Variants in KANK1 observed in about 807,000 individuals in gnomAD.
KANK1 encodes the protein KN motif and ankyrin repeat domain-containing protein 1.
Under a neutral mutation model 106.2 loss-of-function variants are expected in KANK1, and 109 were observed. That is an observed-to-expected ratio of 1.03 (90% confidence interval 0.88 to 1.20). The LOEUF (loss-of-function observed/expected upper bound fraction) is 1.20, where lower values mean the gene tolerates loss of function less well. KANK1 is among the 50% of genes most tolerant of loss of function. KANK1 has a pLI of 0.00. For synonymous variants in KANK1, 873 were observed against 652.2 expected (o/e 1.34, Z -5.16); for missense variants, 2,399 against 1,710.7 (o/e 1.40, Z -7.10).
intron 2 of KANK1, among the ~76,000 whole-genome samples, chr9:703,855 G>C (rs1823325922): frequency 6.6e-6 from 1 of 152,008 alleles, no homozygotes; most frequent in African/African-American, 2.4e-5. Flanking sequence ...GGGATTACAG[G>C]TGCACACCAC....
intron 1 of KANK1, among the ~76,000 whole-genome samples, chr9:600,442 A>G (rs1827454125): frequency 6.6e-6 from 1 of 151,908 alleles, no homozygotes; most frequent in South Asian, 2.1e-4. Flanking sequence ...AAGAAAGAAG[A>G]AAAAGAAGGG....
intron 1 of KANK1, among the ~76,000 whole-genome samples, chr9:548,762 A>G (rs950964389): frequency 5.3e-5 from 8 of 152,140 alleles, no homozygotes; most frequent in African/African-American, 1.7e-4. Context: ...TTTTATAATG[A>G]CCACGTTATG....
chr9:709,009 A>C (rs1825135362), intron 2 of KANK1, among the ~76,000 whole-genome samples: 1 of 152,204 alleles, frequency 6.6e-6, no homozygotes, highest in Non-Finnish European at 1.5e-5. Context: ...TTTAGCCTTA[A>C]GTAGTATTTA....
chr9:737,827 T>G (rs749099845), intron 7 of KANK1, among the ~76,000 whole-genome samples: 2 of 152,228 alleles, frequency 1.3e-5, no homozygotes, highest in Admixed American at 6.5e-5. Flanking sequence ...CTAATTTCTA[T>G]GAAAATTGTT....
At chr9:717,376 C>T (rs1050224320) in intron 3 of KANK1, among the ~76,000 whole-genome samples, 3 of 152,172 alleles carry the variant, frequency 2.0e-5, no homozygotes, top group African/African-American at 4.8e-5. Context: ...TGTGGTAGCC[C>T]GCGTGTGTTT....
At chr9:507,781 C>G (rs535362190) in intron 1 of KANK1, among the ~76,000 whole-genome samples, 75 of 152,250 alleles carry the variant, frequency 4.9e-4, no homozygotes, top group African/African-American at 1.8e-3. Context: ...TGGTCTCAAT[C>G]TCTTGACATC....
chr9:690,676 A>G (rs1278828184), intron 2 of KANK1, among the ~76,000 whole-genome samples: 1 of 152,202 alleles, frequency 6.6e-6, no homozygotes, highest in East Asian at 1.9e-4. Flanking sequence ...ACCACTCACT[A>G]CTTAATTTAA....
intron 2 of KANK1, among the ~76,000 whole-genome samples, chr9:706,182 C>G (rs1261697011): frequency 6.6e-6 from 1 of 152,120 alleles, no homozygotes; most frequent in Non-Finnish European, 1.5e-5. Flanking sequence ...GAGAATGAAA[C>G]TTGAATTACA....
intron 1 of KANK1, among the ~76,000 whole-genome samples, chr9:531,220 C>G (rs563178559): frequency 1.3e-5 from 2 of 152,076 alleles, no homozygotes; most frequent in South Asian, 2.1e-4. Flanking sequence ...AGGAGGATCA[C>G]TTGAGGCCAG....
Position 731,225 on chromosome 9 carries a change from T to C in KANK1, c.2964T>C (p.Asn988=), listed in dbSNP as rs774847101. 1 of 1,611,808 alleles carries C rather than the reference T, an allele frequency of 6.2e-7. No individual in the cohort carries two copies. The highest frequency in any genetic ancestry group is 1.1e-5 in the South Asian group (1 of 90,964). The part of the protein sequence containing the change: ...MKKKDGNKDS[N]GAKKNLQFVG... Reference sequence around the variant, plus strand: ...AGAAAGATGGTAACAAAGATTCAAATGGCGCAAAAAAGAATCTTCAGTTTG... The same window carrying C: ...AGAAAGATGGTAACAAAGATTCAAACGGCGCAAAAAAGAATCTTCAGTTTG... Residue 988 remains asparagine, a synonymous_variant, in exon 5 of 12, where the codon AAT becomes AAC. Transcript: ENST00000382297.
chr9:738,879 G>A (rs1033859186), intron 8 of KANK1, among the ~76,000 whole-genome samples: 1 of 152,308 alleles, frequency 6.6e-6, no homozygotes, highest in South Asian at 2.1e-4. Flanking sequence ...CAGGCCCAGG[G>A]TCACAGCCTT....
chr9:738,153 G>C (rs1025522125), intron 7 of KANK1, 132 bp from the exon 8 acceptor site: 4 of 695,444 alleles, frequency 5.8e-6, no homozygotes, highest in Non-Finnish European at 9.7e-6. Flanking sequence ...TCTTAGGGCT[G>C]TTGGTTTTTG....
intron 1 of KANK1, among the ~76,000 whole-genome samples, chr9:559,093 G>A (rs972942329): frequency 6.6e-5 from 10 of 152,172 alleles, no homozygotes; most frequent in Non-Finnish European, 1.0e-4. Flanking sequence ...ATTAACAACT[G>A]TGATCTGTAT....
At chr9:598,653 G>C (rs1237107897) in intron 1 of KANK1, among the ~76,000 whole-genome samples, 1 of 44,138 alleles carries the variant, frequency 2.3e-5, no homozygotes, top group Non-Finnish European at 4.3e-5. Context: ...TTTTTTTTGA[G>C]ACAGTCTCAT....
chr9:714,338 G>A (rs1827093640), intron 3 of KANK1, among the ~76,000 whole-genome samples: 1 of 151,050 alleles, frequency 6.6e-6, no homozygotes, highest in African/African-American at 2.4e-5. Flanking sequence ...CAAACTTGGA[G>A]AGAAGGGAGT....
intron 3 of KANK1, among the ~76,000 whole-genome samples, chr9:473,992 C>T (rs991670241): frequency 5.9e-5 from 9 of 152,300 alleles, no homozygotes; most frequent in African/African-American, 2.2e-4. Context: ...GCCAGTGTGC[C>T]AGCCAAGAAT....
intron 3 of KANK1, among the ~76,000 whole-genome samples, chr9:481,891 T>C (rs2058211378): frequency 6.6e-6 from 1 of 151,410 alleles, no homozygotes; most frequent in Admixed American, 6.6e-5. Flanking sequence ...GGAGAGTGTA[T>C]AGGAGGATAG....
intron 1 of KANK1, among the ~76,000 whole-genome samples, chr9:572,360 C>G (rs970625645): frequency 6.6e-6 from 1 of 151,772 alleles, no homozygotes; most frequent in Admixed American, 6.6e-5. Context: ...ACCATCCTGG[C>G]TAACACAGTG....
intron 1 of KANK1, among the ~76,000 whole-genome samples, chr9:670,307 TTTA>T (rs1364863522): frequency 6.6e-6 from 1 of 152,130 alleles, no homozygotes; most frequent in Non-Finnish European, 1.5e-5. Flanking sequence ...CATTAAAGGA[TTTA>T]TTATTTATTC....
Sources: gnomAD v4.1 joint callset for allele counts (sites outside exome capture counted in the v4.1 genomes callset) on GRCh38, gnomAD v4.1.1 for gene constraint, MANE v1.5 for transcripts, NCBI Gene and HGNC (gene_info 2026-07-23, HGNC 2026-07-21) for gene names.